SUGCT: variants seen among roughly 807,000 people sequenced by gnomAD.
SUGCT encodes the protein succinyl-CoA:glutarate-CoA transferase, also known as succinyl-CoA:glutarate CoA-transferase.
Under a neutral mutation model 55.0 loss-of-function variants are expected in SUGCT, and 41 were observed. The observed-to-expected ratio is 0.74, with a 90% CI of 0.58 to 0.97. The LOEUF (loss-of-function observed/expected upper bound fraction) is 0.97. SUGCT is among the 50% of genes least tolerant of loss of function. The pLI is 0.00. For missense variants in SUGCT, 568 were observed against 547.8 expected (o/e 1.04, Z -0.37); for synonymous variants, 187 against 200.4 (o/e 0.93, Z 0.56).
At chr7:40,550,096 G>A (rs1158043754) in intron 12 of SUGCT, among the ~76,000 whole-genome samples, 1 of 152,226 alleles carries the variant, frequency 6.6e-6, no homozygotes, top group Non-Finnish European at 1.5e-5. Flanking sequence ...ACAATCATCA[G>A]TTGCTGTCTA....
intron 12 of SUGCT, among the ~76,000 whole-genome samples, chr7:40,589,110 T>G: frequency 6.6e-6 from 1 of 152,146 alleles, no homozygotes; most frequent in East Asian, 1.9e-4. Context: ...CTTGTCACTC[T>G]GTTTAGTAAT....
At chr7:40,458,687 G>T (rs1027422610) in intron 10 of SUGCT, among the ~76,000 whole-genome samples, 1 of 152,110 alleles carries the variant, frequency 6.6e-6, no homozygotes. Flanking sequence ...CTGTATACAA[G>T]ATACATGTAG....
At chr7:40,539,097 T>A (rs111812035) in intron 12 of SUGCT, 19,931 of 147,528 alleles carry the variant, frequency 0.14, 1,446 homozygotes, top group Middle Eastern at 0.19. Context: ...AAAAAAAAAA[T>A]TTACTGAAGA....
chr7:40,281,794 A>G (rs1792967193), intron 8 of SUGCT, among the ~76,000 whole-genome samples: 2 of 151,602 alleles, frequency 1.3e-5, no homozygotes, highest in African/African-American at 4.8e-5. Flanking sequence ...ACACACAGTT[A>G]CAGGCAATTG....
Position 40,744,968 on chromosome 7 carries a change from C to G in SUGCT, c.1090-4466C>G, listed in dbSNP as rs1381671567. Among the ~76,000 whole-genome samples the G allele has an allele frequency of 3.3e-5, 5 of 152,314 alleles. No individual in the cohort carries two copies. In the East Asian group the frequency reaches 9.6e-4, roughly 29 times the overall value. ...TTATGGAGCTTAAACTGTGTTATAACAATTTATATGACTGTGTTATGAAAA... is the reference window on the plus strand; with the variant it reads ...TTATGGAGCTTAAACTGTGTTATAAGAATTTATATGACTGTGTTATGAAAA... On this transcript the variant is annotated intron_variant, in intron 12 of 13. Transcript: ENST00000335693.
At chr7:40,236,522 A>G (rs1174489675) in intron 6 of SUGCT, among the ~76,000 whole-genome samples, 4 of 146,036 alleles carry the variant, frequency 2.7e-5, no homozygotes, top group African/African-American at 1.0e-4. Context: ...GTTATTGTTT[A>G]TTTATGTCCA....
chr7:40,665,432 A>AAAAT (rs59090658), intron 12 of SUGCT, among the ~76,000 whole-genome samples: 38,783 of 140,278 alleles, frequency 0.28, 5,637 homozygotes, highest in South Asian at 0.39. Flanking sequence ...TCTATCTCAA[A>AAAAT]AAATAAATAA....
At chr7:40,946,983 G>A in the SUGCT span, among the ~76,000 whole-genome samples, 2 of 152,060 alleles carry the variant, frequency 1.3e-5, no homozygotes, top group Admixed American at 6.6e-5. Context: ...GAACTTTTTG[G>A]ATGTGTAGAT....
intron 9 of SUGCT, among the ~76,000 whole-genome samples, chr7:40,330,015 C>G (rs978093583): frequency 6.6e-6 from 1 of 152,168 alleles, no homozygotes; most frequent in Admixed American, 6.5e-5. Flanking sequence ...ATTATATAAC[C>G]TCAGCAGAGA....
chr7:40,839,908 G>A (rs1195942918), intron 13 of SUGCT, among the ~76,000 whole-genome samples: 1 of 152,122 alleles, frequency 6.6e-6, no homozygotes, highest in African/African-American at 2.4e-5. Context: ...GTGTGCTACA[G>A]GAAATGCTGG....
chr7:40,422,077 A>G (rs960371327), intron 9 of SUGCT, among the ~76,000 whole-genome samples: 1 of 134,124 alleles, frequency 7.5e-6, no homozygotes, highest in African/African-American at 2.8e-5. Context: ...GACTGTTTGT[A>G]CCTTTTTTTT....
chr7:40,577,578 CTCTA>C (rs1348525303), intron 12 of SUGCT, among the ~76,000 whole-genome samples: 2 of 152,010 alleles, frequency 1.3e-5, no homozygotes, highest in Non-Finnish European at 2.9e-5. Flanking sequence ...ACTGTAAACT[CTCTA>C]TCTCACACCT....
chr7:40,506,799 G>A (rs539167052), intron 12 of SUGCT, among the ~76,000 whole-genome samples: 1 of 152,096 alleles, frequency 6.6e-6, no homozygotes, highest in East Asian at 1.9e-4. Context: ...CCTACTGCCA[G>A]TTCAAATTTA....
chr7:40,928,085 T>G, the SUGCT span, among the ~76,000 whole-genome samples: 8 of 152,032 alleles, frequency 5.3e-5, no homozygotes, highest in Admixed American at 1.3e-4. Flanking sequence ...TTCCCAAAGA[T>G]ATGCCTAGCT....
chr7:40,666,177 C>T (rs919769854), intron 12 of SUGCT, among the ~76,000 whole-genome samples: 2 of 151,966 alleles, frequency 1.3e-5, no homozygotes, highest in Non-Finnish European at 1.5e-5. Flanking sequence ...TGGTGAAACC[C>T]TGTCTCTACT....
the SUGCT span, among the ~76,000 whole-genome samples, chr7:40,926,053 A>G: frequency 6.6e-6 from 1 of 151,954 alleles, no homozygotes; most frequent in Non-Finnish European, 1.5e-5. Context: ...TGATCCCATG[A>G]TCACGCCACT....
chr7:40,258,481 C>T (rs371276488), intron 7 of SUGCT, among the ~76,000 whole-genome samples: 38 of 152,236 alleles, frequency 2.5e-4, no homozygotes, highest in African/African-American at 8.2e-4. Flanking sequence ...CGGGTTCAAG[C>T]GATAATCCTG....
At chr7:40,812,199 TG>T (rs890381572) in intron 13 of SUGCT, among the ~76,000 whole-genome samples, 3 of 152,118 alleles carry the variant, frequency 2.0e-5, no homozygotes, top group African/African-American at 7.2e-5. Flanking sequence ...TTTCATTTTT[TG>T]TTGTGTCTTT....
At chr7:40,138,032 T>C (rs978604523) in intron 1 of SUGCT, among the ~76,000 whole-genome samples, 6 of 152,142 alleles carry the variant, frequency 3.9e-5, no homozygotes, top group Non-Finnish European at 5.9e-5. Flanking sequence ...AAGTGCAGTT[T>C]TGCTACATTG....
Sources: gnomAD v4.1 joint callset for allele counts (sites outside exome capture counted in the v4.1 genomes callset) on GRCh38, gnomAD v4.1.1 for gene constraint, MANE v1.5 for transcripts, NCBI Gene and HGNC (gene_info 2026-07-23, HGNC 2026-07-21) for gene names.